Variants in BIN2 observed in about 807,000 individuals in gnomAD.
The protein encoded by BIN2 is breast cancer associated protein BRAP1.
In BIN2, 43 loss-of-function variants were observed where a neutral mutation model predicts 67.9. The observed-to-expected ratio is 0.63, with a 90% CI of 0.50 to 0.82. BIN2 has a LOEUF of 0.82. Among genes scored for constraint, BIN2 ranks in the 40% least tolerant of loss-of-function variants. The pLI is 0.00. For missense variants in BIN2, 581 were observed against 671.6 expected (o/e 0.87, Z 1.49); for synonymous variants, 244 against 246.8 (o/e 0.99, Z 0.11).
Position 51,292,257 on chromosome 12 carries a change from T to C in BIN2, c.849A>G (p.Thr283=). The change falls in exon 10 of 13, where the codon ACA becomes ACG. Residue 283 remains threonine, a synonymous_variant. Transcript: ENST00000615107. ...SPLTSPTSPS[T]LSLKSESESV... The stretch of plus-strand genomic sequence containing the variant: ...ATTCACTCTCACTCTTCAAGGAAAG[T>C]GTAGAGGGACTAGTAGGTGAGGTAA... 1 of 1,603,830 alleles carries C rather than the reference T, an allele frequency of 6.2e-7. No individual in the cohort carries two copies.
At chr12:51,317,929 A>G (rs1946175320) in intron 1 of BIN2, among the ~76,000 whole-genome samples, 1 of 152,164 alleles carries the variant, frequency 6.6e-6, no homozygotes, top group African/African-American at 2.4e-5. Flanking sequence ...CGGAGCTTGC[A>G]GTGACCCGAG....
chr12:51,297,240 G>C, intron 7 of BIN2, 76 bp from the exon 8 acceptor site: 1 of 1,444,648 alleles, frequency 6.9e-7, no homozygotes, highest in East Asian at 2.3e-5. Context: ...TACAAAGTAG[G>C]ACTTAAGCCA....
intron 10 of BIN2, among the ~76,000 whole-genome samples, chr12:51,291,121 C>G (rs1166795028): frequency 6.6e-6 from 1 of 152,050 alleles, no homozygotes; most frequent in Non-Finnish European, 1.5e-5. Flanking sequence ...TGCACCCCAG[C>G]CTGGGTGACA....
In BIN2 at chr12:51,296,568, T is replaced by C. The variant is rs180889350; in HGVS notation, c.678+521A>G. On this transcript the variant is annotated intron_variant, in intron 8 of 12. Coordinates refer to ENST00000615107, the MANE Select transcript of BIN2 (RefSeq NM_016293.4). ...AATCATACTTTAGCCAAATAAACTA[T>C]GGAGAGTAGTATGTATAGCTGTTTG... is the stretch of plus-strand genomic sequence containing the variant. Among the ~76,000 whole-genome samples the C allele has an allele frequency of 4.1e-4, 62 of 152,024 alleles. No homozygotes were observed. The Middle Eastern group carries it at 0.042, about 102-fold the overall frequency.
intron 1 of BIN2, among the ~76,000 whole-genome samples, chr12:51,319,677 G>T (rs538597299): frequency 2.0e-5 from 3 of 152,154 alleles, no homozygotes; most frequent in Non-Finnish European, 4.4e-5. Flanking sequence ...TTAACACTTG[G>T]TGAATCTGCA....
intron 1 of BIN2, among the ~76,000 whole-genome samples, chr12:51,316,038 A>G (rs1444267021): frequency 6.6e-6 from 1 of 151,844 alleles, no homozygotes; most frequent in Non-Finnish European, 1.5e-5. Flanking sequence ...CGCCATGTCC[A>G]TCTCTAGAAA....
At chr12:51,317,559 C>T (rs12370907) in intron 1 of BIN2, among the ~76,000 whole-genome samples, 16,599 of 152,100 alleles carry the variant, frequency 0.11, 1,185 homozygotes, top group South Asian at 0.15. Context: ...ATCCCAGCTA[C>T]TTGGGAGGCT....
intron 1 of BIN2, among the ~76,000 whole-genome samples, chr12:51,319,219 C>T (rs1034431918): frequency 6.6e-6 from 1 of 152,206 alleles, no homozygotes; most frequent in African/African-American, 2.4e-5. Context: ...GACCAATCTC[C>T]CCAATCCCCA....
At chr12:51,310,837 T>G (rs945245735) in intron 2 of BIN2, among the ~76,000 whole-genome samples, 1 of 152,122 alleles carries the variant, frequency 6.6e-6, no homozygotes, top group Non-Finnish European at 1.5e-5. Flanking sequence ...CAAAGCTCAC[T>G]GTAGCCTCGA....
intron 1 of BIN2, among the ~76,000 whole-genome samples, chr12:51,315,339 T>G (rs922102104): frequency 1.3e-5 from 2 of 152,016 alleles, no homozygotes; most frequent in African/African-American, 4.8e-5. Context: ...CCTGACTAAG[T>G]TTTTTTGTAT....
intron 2 of BIN2, among the ~76,000 whole-genome samples, chr12:51,305,826 C>CTT (rs1168899685): frequency 0.01 from 831 of 82,418 alleles, 2 homozygotes; most frequent in East Asian, 0.013. Flanking sequence ...TGTTTTCTTT[C>CTT]TTTTTTTTTT....
At position 51,299,193 on chromosome 12, in the gene BIN2, C is replaced by T; in HGVS notation, c.602+10G>A. ...AAGCAAAGGCACCTTTTCTGAATTTCAGTCATTACCTATTATAAAGAATAG... is the reference window on the plus strand; with the variant it reads ...AAGCAAAGGCACCTTTTCTGAATTTTAGTCATTACCTATTATAAAGAATAG... On this transcript the variant is annotated intron_variant, in intron 7 of 12. Transcript: ENST00000615107. 6.2e-7 allele frequency: 1 copy of T among 1,601,160 alleles called. No homozygotes were observed. The highest frequency in any genetic ancestry group is 1.1e-5 in the South Asian group (1 of 90,778).
chr12:51,307,633 C>T (rs146234645), intron 2 of BIN2, among the ~76,000 whole-genome samples: 3 of 151,428 alleles, frequency 2.0e-5, no homozygotes, highest in Admixed American at 6.6e-5. Flanking sequence ...CGCTTGAACC[C>T]GGGGGCACAG....
At chr12:51,296,162 A>G (rs983741526) in intron 8 of BIN2, among the ~76,000 whole-genome samples, 8 of 152,150 alleles carry the variant, frequency 5.3e-5, no homozygotes. Context: ...AGCTTCTCAC[A>G]GGTGATCCAG....
chr12:51,284,812 T>C, intron 11 of BIN2, 25 bp from the exon 12 acceptor site: 4 of 1,580,942 alleles, frequency 2.5e-6, no homozygotes, highest in Non-Finnish European at 2.6e-6. Context: ...GTTCTGCCAG[T>C]AAGAGGTGGC....
intron 10 of BIN2, among the ~76,000 whole-genome samples, chr12:51,290,191 C>T (rs1991433): frequency 0.087 from 13,156 of 151,844 alleles, 602 homozygotes; most frequent in Non-Finnish European, 0.11. Flanking sequence ...GTGATGTCGG[C>T]TTACTGCAAC....
chr12:51,287,270 C>A (rs1049008284), intron 11 of BIN2, among the ~76,000 whole-genome samples: 1 of 152,086 alleles, frequency 6.6e-6, no homozygotes, highest in African/African-American at 2.4e-5. Context: ...CCCGCCTCAG[C>A]ATCCTGAGTA....
At chr12:51,307,238 G>A (rs1450328382) in intron 2 of BIN2, among the ~76,000 whole-genome samples, 2 of 146,314 alleles carry the variant, frequency 1.4e-5, no homozygotes, top group South Asian at 2.2e-4. Context: ...AGCTGAGATC[G>A]CGACACCGTA....
rs1945396921 is a variant in BIN2, at chr12:51,292,015, C to T, written c.1091G>A (p.Ser364Asn). 2 of 1,614,158 alleles carry T rather than the reference C, an allele frequency of 1.2e-6. No individual in the cohort carries two copies. Among genetic ancestry groups the T allele is most frequent in the East Asian group, 4.5e-5 (2 of 44,892 alleles). Residue 364 changes from serine (S) to asparagine (N), a missense_variant, in exon 10 of 13, where the codon AGC becomes AAC. By Grantham distance (46) the Ser-to-Asn change is conservative (BLOSUM62 1). Coordinates refer to ENST00000615107, the MANE Select transcript of BIN2 (RefSeq NM_016293.4). ...RAKSQEEVLP[S>N]STTPSPGGAL... is the part of the protein sequence containing the mutation. The stretch of plus-strand genomic sequence containing the variant: ...TCCGCCTGGTGATGGAGTTGTGGAG[C>T]TGGGGAGAACTTCCTCCTGGGACTT...
Sources: allele counts gnomAD v4.1 joint callset (sites outside exome capture counted in the v4.1 genomes callset), GRCh38; gene constraint gnomAD v4.1.1; transcripts MANE v1.5; gene names NCBI Gene and HGNC (gene_info 2026-07-23, HGNC 2026-07-21).